DHX37: variants seen among roughly 807,000 people sequenced by gnomAD.
The protein encoded by DHX37 is probable ATP-dependent RNA helicase DHX37.
In DHX37, 52 loss-of-function variants were observed where a neutral mutation model predicts 134.3. The ratio of observed to expected loss-of-function variants is 0.39; its 90% CI spans 0.31 to 0.49. DHX37 has a LOEUF of 0.49. Among genes scored for constraint, DHX37 ranks in the 20% least tolerant of loss-of-function variants. The pLI, the probability that DHX37 is intolerant of heterozygous loss-of-function variation, is 0.93. For missense variants in DHX37, 1,344 were observed against 1,580.8 expected (o/e 0.85, Z 2.54); for synonymous variants, 634 against 670.7 (o/e 0.95, Z 0.85).
intron 16 of DHX37, among the ~76,000 whole-genome samples, chr12:124,958,510 C>A (rs957767008): frequency 5.3e-5 from 8 of 152,202 alleles, no homozygotes; most frequent in Non-Finnish European, 7.4e-5. Flanking sequence ...GTGTCTCAGG[C>A]TCCTCATCTG....
At chr12:124,985,580 C>CAAAAAAA (rs11327017) in intron 2 of DHX37, among the ~76,000 whole-genome samples, 1 of 115,952 alleles carries the variant, frequency 8.6e-6, no homozygotes, top group Admixed American at 9.3e-5. Flanking sequence ...ACTAAAAATA[C>CAAAAAAA]AAAAAAAAAA....
At chr12:124,957,557 G>T (rs560685889) in intron 16 of DHX37, among the ~76,000 whole-genome samples, 3 of 152,214 alleles carry the variant, frequency 2.0e-5, no homozygotes, top group Admixed American at 2.0e-4. Context: ...AGGCTGAGGC[G>T]GGTAGATCAC....
Position 124,968,921 on chromosome 12 carries a change from C to T in DHX37, c.1239G>A (p.Val413=), listed in dbSNP as rs755136422. The T allele has an allele frequency of 1.9e-6, 3 of 1,613,984 alleles. No individual in the cohort carries two copies. Among genetic ancestry groups the T allele is most frequent in the East Asian group, 2.2e-5 (1 of 44,882 alleles). ...KLLIMSATLR[V]EDFTQNPRLF... ...GCCGTGGGTTCTGGGTGAAGTCCTC[C>T]ACCCGCAGCGTGGCCGACATGATGA... is the stretch of plus-strand genomic sequence containing the variant. The change falls in exon 9 of 27, where the codon GTG becomes GTA. Residue 413 remains valine (V), a synonymous_variant. Coordinates refer to ENST00000308736, the MANE Select transcript of DHX37 (RefSeq NM_032656.4).
Position 124,967,207 on chromosome 12 carries a change from C to T in DHX37, c.1420G>A (p.Val474Met), listed in dbSNP as rs762497882. 1 of 1,613,898 alleles carries T rather than the reference C, an allele frequency of 6.2e-7. No homozygotes were observed. Among genetic ancestry groups the T allele is most frequent in the Admixed American group, 1.7e-5 (1 of 60,008 alleles). Residue 474 changes from valine to methionine, a missense_variant, in exon 11 of 27, where the codon GTG becomes ATG. Around this residue, in one of 7 missense-constraint regions of DHX37, gnomAD observed 289 missense variants for 323.8 expected, o/e 0.89. Coordinates refer to ENST00000308736, the MANE Select transcript of DHX37 (RefSeq NM_032656.4). Reference protein sequence around the residue: ...HRMLPAGGILVFLTGQAEVHA... With the variant: ...HRMLPAGGILMFLTGQAEVHA... The stretch of plus-strand genomic sequence containing the variant: ...ACCTCAGCCTGCCCCGTCAGGAACA[C>T]CAGGATGCCACCTGTGGAAAGAATG...
At chr12:124,972,897 T>A (rs1215614947) in intron 6 of DHX37, among the ~76,000 whole-genome samples, 3 of 152,242 alleles carry the variant, frequency 2.0e-5, no homozygotes, top group African/African-American at 7.2e-5. Context: ...GCACATGGGC[T>A]GGAGTGTGTT....
intron 18 of DHX37, among the ~76,000 whole-genome samples, chr12:124,955,927 C>G (rs11830427): frequency 8.5e-4 from 99 of 116,842 alleles, no homozygotes; most frequent in Admixed American, 1.9e-3. Context: ...TGGGTGGGAC[C>G]GGGGAGGGGA....
chr12:124,964,471 A>T lies in DHX37; in HGVS notation c.1968T>A (p.Arg656=). The T allele has an allele frequency of 6.2e-7, 1 of 1,614,194 alleles. No homozygotes were observed. The highest frequency in any genetic ancestry group is 8.5e-7 in the Non-Finnish European group (1 of 1,180,024). ...YDRVTGVSSF[R]VTWVSQASAD... ...CTGATGCCTGGGAGACCCAGGTGAC[A>T]CGGAAGGAGGATACGCCAGTGACGC... The change falls in exon 15 of 27, where the codon CGT becomes CGA. Residue 656 remains arginine, a synonymous_variant. Coordinates refer to ENST00000308736, the MANE Select transcript of DHX37 (RefSeq NM_032656.4).
intron 6 of DHX37, among the ~76,000 whole-genome samples, chr12:124,975,193 C>G (rs1954609417): frequency 6.6e-6 from 1 of 152,220 alleles, no homozygotes; most frequent in Non-Finnish European, 1.5e-5. Context: ...ATGGGCCACT[C>G]TGTCCCCTCG....
rs925679884 is a variant in DHX37, at chr12:124,985,234, A to C, written c.276+862T>G. Among the ~76,000 whole-genome samples, 3 of 152,146 alleles carry C rather than the reference A, an allele frequency of 2.0e-5. No individual in the cohort carries two copies. The East Asian group carries it at 5.8e-4, about 29-fold the overall frequency. On this transcript the variant is annotated intron_variant, in intron 2 of 26. Coordinates refer to ENST00000308736, the MANE Select transcript of DHX37 (RefSeq NM_032656.4). Reference sequence around the variant, plus strand: ...ATCCCCAGGAAACTAGTACAGATTCACTGTATGTGGGATTTGCTTCAAAAT... The same window carrying C: ...ATCCCCAGGAAACTAGTACAGATTCCCTGTATGTGGGATTTGCTTCAAAAT...
At position 124,947,688 on chromosome 12, in the gene DHX37, T is replaced by C. The variant is rs1953901231; in HGVS notation, c.*114A>G. On this transcript the variant is annotated 3_prime_UTR_variant, in exon 27 of 27. Coordinates refer to ENST00000308736, the MANE Select transcript of DHX37 (RefSeq NM_032656.4). Reference sequence around the variant, plus strand: ...TGAGGGTTCCCAGGGCTTGACCCACTTCCTGAGAGCAGGCCACGAAGCCCA... The same window carrying C: ...TGAGGGTTCCCAGGGCTTGACCCACCTCCTGAGAGCAGGCCACGAAGCCCA... 1.5e-6 allele frequency: 2 copies of C among 1,363,116 alleles called. No individual in the cohort carries two copies. The highest frequency in any genetic ancestry group is 2.0e-6 in the Non-Finnish European group (2 of 1,022,116). 84.4% of individuals were successfully genotyped at this position (1,363,116 alleles called of 1,614,324 possible).
In DHX37 at chr12:124,954,096, C is replaced by A. The variant is rs770672674; in HGVS notation, c.2569G>T (p.Val857Leu). 6.2e-7 allele frequency: 1 copy of A among 1,609,484 alleles called. No homozygotes were observed. Among genetic ancestry groups the A allele is most frequent in the Admixed American group, 1.7e-5 (1 of 59,516 alleles). The change falls in exon 19 of 27, where the codon GTG (valine) becomes TTG (leucine). Residue 857 changes from valine to leucine, a missense_variant. Val to Leu is a conservative substitution (Grantham distance 32). Coordinates refer to ENST00000308736, the MANE Select transcript of DHX37 (RefSeq NM_032656.4). ...GASLKLGDLM[V>L]LLGAVGACEY... ...CGGGCAGGGCACAAACCCAGCAGCA[C>A]CATGAGGTCGCCGAGCTTCAGAGAA...
At chr12:124,951,856 T>G (rs1316187967) in intron 21 of DHX37, among the ~76,000 whole-genome samples, 1 of 151,880 alleles carries the variant, frequency 6.6e-6, no homozygotes, top group African/African-American at 2.4e-5. Context: ...CCTGTAATCC[T>G]AGCTATTTGG....
In DHX37 at chr12:124,952,650, C is replaced by T. The variant is rs1953998613; in HGVS notation, c.2696-80G>A. ...GCCCTGACCTCCTAGAAAGTCCCAA[C>T]CATGCTCAGTGCTCTAGCCTCAGCC... is the stretch of plus-strand genomic sequence containing the variant. On this transcript the variant is annotated intron_variant, in intron 20 of 26. Transcript: ENST00000308736. 3 of 1,434,240 alleles carry T rather than the reference C, an allele frequency of 2.1e-6. No homozygotes were observed. In the East Asian group the frequency reaches 7.7e-5, roughly 37 times the overall value. 88.8% of individuals were successfully genotyped at this position (1,434,240 alleles called of 1,614,324 possible).
intron 15 of DHX37, among the ~76,000 whole-genome samples, chr12:124,962,953 C>T (rs1406183345): frequency 1.3e-5 from 2 of 152,182 alleles, no homozygotes; most frequent in Non-Finnish European, 2.9e-5. Context: ...GGTGGCTCCT[C>T]GGTAAGTTAA....
In DHX37 at chr12:124,987,184, A is replaced by G. The variant is rs1203545420; in HGVS notation, c.107-919T>C. Reference sequence around the variant, plus strand: ...ATGGCAAAATCCCGTCTCTACAAAAAATACAAAAACTAGCCAGGTGTGATG... The same window carrying G: ...ATGGCAAAATCCCGTCTCTACAAAAGATACAAAAACTAGCCAGGTGTGATG... On this transcript the variant is annotated intron_variant, in intron 1 of 26. Transcript: ENST00000308736. 2.0e-5 allele frequency among the ~76,000 whole-genome samples: 3 copies of G among 152,198 alleles called. No individual in the cohort carries two copies. The East Asian group carries it at 5.8e-4, about 29-fold the overall frequency.
chr12:124,983,876 G>A (rs1300040162), intron 2 of DHX37, among the ~76,000 whole-genome samples: 1 of 151,994 alleles, frequency 6.6e-6, no homozygotes, highest in African/African-American at 2.4e-5. Context: ...CTGCTGGAGA[G>A]AGACCCTCAA....
At chr12:124,982,256 G>A (rs1313135291) in intron 3 of DHX37, among the ~76,000 whole-genome samples, 1 of 152,142 alleles carries the variant, frequency 6.6e-6, no homozygotes, top group African/African-American at 2.4e-5. Flanking sequence ...TGTAACAAGG[G>A]ACTCTACACC....
intron 8 of DHX37, among the ~76,000 whole-genome samples, chr12:124,969,823 A>C (rs1954477962): frequency 6.6e-6 from 1 of 151,882 alleles, no homozygotes; most frequent in Non-Finnish European, 1.5e-5. Flanking sequence ...TGGGAGGCTG[A>C]GGCAAAAGGA....
chr12:124,975,387 C>A (rs958665412), intron 6 of DHX37, 32 bp downstream of exon 6: 1 of 1,608,012 alleles, frequency 6.2e-7, no homozygotes, highest in Non-Finnish European at 8.5e-7. Flanking sequence ...AGGACCACCC[C>A]ATAGTCCGCC....
Sources: allele counts gnomAD v4.1 joint callset (sites outside exome capture counted in the v4.1 genomes callset), GRCh38; gene constraint gnomAD v4.1.1; regional missense constraint gnomAD v4.1.1; transcripts MANE v1.5; gene names NCBI Gene and HGNC (gene_info 2026-07-23, HGNC 2026-07-21).